Variants in GAB3 observed in about 807,000 individuals in gnomAD.
GAB3 encodes the protein GRB2 associated binding protein 3.
Under a neutral mutation model 40.4 loss-of-function variants are expected in GAB3, and 12 were observed. The observed-to-expected ratio is 0.30, with a 90% confidence interval of 0.19 to 0.48. GAB3 has a LOEUF of 0.48. Among genes scored for constraint, GAB3 ranks in the 20% least tolerant of loss-of-function variants. The probability of loss-of-function intolerance (pLI) is 0.99; values close to 1 mark genes in which losing one functional copy is unlikely to be tolerated. For synonymous variants in GAB3, 154 were observed against 176.7 expected, an observed-to-expected ratio of 0.87 and a Z score of 1.02; for missense variants, 381 against 461.9, an observed-to-expected ratio of 0.82 and a Z score of 1.61.
intron 1 of GAB3, among the ~76,000 whole-genome samples, chrX:154,719,597 T>A (rs959317924): frequency 3.6e-5 from 4 of 112,213 alleles, no homozygotes; most frequent in Admixed American, 9.4e-5. Context: ...CACAGTAACT[T>A]AAATAGGACG....
At chrX:154,697,665 A>T (rs914850045) in intron 6 of GAB3, among the ~76,000 whole-genome samples, 1 of 111,925 alleles carries the variant, frequency 8.9e-6, no homozygotes, top group Admixed American at 9.4e-5. Context: ...TTCTGCCTAG[A>T]ACATTCTATC....
chrX:154,687,810 A>T (rs2070482589), intron 8 of GAB3, among the ~76,000 whole-genome samples: 1 of 111,869 alleles, frequency 8.9e-6, no homozygotes, highest in Admixed American at 9.5e-5. Context: ...CCAAAGCTAC[A>T]ATAATCAAGA....
intron 1 of GAB3, among the ~76,000 whole-genome samples, chrX:154,745,945 G>A (rs1372306276): frequency 2.7e-5 from 3 of 109,219 alleles, no homozygotes; most frequent in Admixed American, 1.9e-4. Context: ...CCAGCTACCC[G>A]GGAGGCTGAA....
chrX:154,735,498 G>T (rs1007818605), intron 1 of GAB3, among the ~76,000 whole-genome samples: 1 of 112,147 alleles, frequency 8.9e-6, no homozygotes, highest in Non-Finnish European at 1.9e-5. Context: ...TCAGTACATG[G>T]CAACTCTATC....
intron 8 of GAB3, among the ~76,000 whole-genome samples, chrX:154,689,821 C>T (rs1339462215): frequency 3.9e-5 from 4 of 102,061 alleles, no homozygotes; most frequent in East Asian, 3.3e-4. Context: ...GAATCAATAT[C>T]GTGAAAATGG....
chrX:154,709,806 C>G (rs1211049848), intron 4 of GAB3, among the ~76,000 whole-genome samples: 2 of 111,131 alleles, frequency 1.8e-5, no homozygotes, highest in East Asian at 2.8e-4. Flanking sequence ...CATGGGTAAA[C>G]CAGGATGAGA....
At chrX:154,722,886 C>CT (rs1226279682) in intron 1 of GAB3, among the ~76,000 whole-genome samples, 11 of 109,813 alleles carry the variant, frequency 1.0e-4, no homozygotes, top group Admixed American at 4.8e-4. Flanking sequence ...TCTTTTCTTT[C>CT]TTTTTTTTTG....
chrX:154,712,683 A>G lies in GAB3; in HGVS notation c.615T>C (p.Asp205=), dbSNP rs1166584373. ...ATGAACGGTCTGAGTTTGACCAGCT[A>G]TCACATCTGGTGGGTAGACTGGGGA... ...LHHTSLPTRC[D]SWSNSDRSLE... is the part of the protein sequence containing the mutation. The change falls in exon 4 of 10, where the codon GAT becomes GAC. Residue 205 remains aspartate, a synonymous_variant. Coordinates refer to ENST00000424127, the MANE Select transcript of GAB3 (RefSeq NM_001081573.3). The G allele has an allele frequency of 3.6e-6, 4 of 1,117,234 alleles. No individual in the cohort carries two copies. The highest frequency in any genetic ancestry group is 2.3e-5 in the South Asian group (1 of 43,286). 92.1% of individuals were successfully genotyped at this position (1,117,234 alleles called of 1,213,427 possible). A position where few individuals can be genotyped will look rare whatever the true frequency, so the allele number is the denominator to read the frequency against.
At chrX:154,733,806 G>C (rs1054446249) in intron 1 of GAB3, among the ~76,000 whole-genome samples, 31 of 111,671 alleles carry the variant, frequency 2.8e-4, no homozygotes, top group African/African-American at 9.4e-4. Context: ...TTTTTGTACC[G>C]TAAGCTCTTT....
At chrX:154,679,172 T>G (rs782372356) in intron 9 of GAB3, 3 of 338,570 alleles carry the variant, frequency 8.9e-6, no homozygotes, top group African/African-American at 2.7e-5. Context: ...AACAAAACAA[T>G]AATAACAAAA....
intron 1 of GAB3, among the ~76,000 whole-genome samples, chrX:154,736,301 GAGAAAT>G (rs1557260528): frequency 1.8e-5 from 2 of 112,473 alleles, no homozygotes; most frequent in Non-Finnish European, 3.8e-5. Context: ...AGGAGCGAAT[GAGAAAT>G]AGAATCTCAC....
intron 4 of GAB3, among the ~76,000 whole-genome samples, chrX:154,711,208 G>C (rs1056213583): frequency 8.9e-6 from 1 of 111,821 alleles, no homozygotes; most frequent in Non-Finnish European, 1.9e-5. Context: ...AGTGATGTGT[G>C]GGTGATTATA....
intron 4 of GAB3, among the ~76,000 whole-genome samples, chrX:154,700,567 T>C (rs1219424903): frequency 8.9e-6 from 1 of 111,737 alleles, no homozygotes; most frequent in Non-Finnish European, 1.9e-5. Context: ...TTTAGAATAA[T>C]TTAGACCATA....
chrX:154,739,331 T>C (rs1450603475), intron 1 of GAB3, among the ~76,000 whole-genome samples: 2 of 111,688 alleles, frequency 1.8e-5, no homozygotes. Flanking sequence ...AACCTAAGTG[T>C]CCATTAATGG....
intron 4 of GAB3, among the ~76,000 whole-genome samples, chrX:154,709,875 A>G (rs1188529303): frequency 8.9e-6 from 1 of 111,754 alleles, no homozygotes; most frequent in African/African-American, 3.3e-5. Context: ...TTTCACTTAT[A>G]TGTGGAATCT....
chrX:154,705,829 T>C (rs1224686603), intron 4 of GAB3, among the ~76,000 whole-genome samples: 3 of 111,978 alleles, frequency 2.7e-5, no homozygotes, highest in African/African-American at 9.7e-5. Context: ...TAATATTAAA[T>C]ACAGGAAAAT....
intron 1 of GAB3, among the ~76,000 whole-genome samples, chrX:154,738,113 A>G (rs1262013056): frequency 8.8e-6 from 1 of 113,070 alleles, no homozygotes; most frequent in Non-Finnish European, 1.9e-5. Context: ...GACTGGAGAA[A>G]AGATAGCTTA....
At chrX:154,751,298 G>GGGGT (rs1491509747), upstream of GAB3, among the ~76,000 whole-genome samples, 713 of 77,756 alleles carry the variant, frequency 9.2e-3, 13 homozygotes, top group African/African-American at 0.038. Flanking sequence ...GGGGGGGTGT[G>GGGGT]GGGGGGGGAG....
chrX:154,690,545 T>C (rs1249706598), intron 8 of GAB3, among the ~76,000 whole-genome samples: 2 of 111,900 alleles, frequency 1.8e-5, no homozygotes, highest in Non-Finnish European at 3.8e-5. Flanking sequence ...ATCCAGAATC[T>C]ACAAAGAACT....
Sources: allele counts gnomAD v4.1 joint callset (sites outside exome capture counted in the v4.1 genomes callset), GRCh38; gene constraint gnomAD v4.1.1; transcripts MANE v1.5; gene names NCBI Gene and HGNC (gene_info 2026-07-23, HGNC 2026-07-21).